Variants in ALG14 observed in about 807,000 individuals in gnomAD.
ALG14 encodes the protein UDP-N-acetylglucosamine transferase subunit ALG14.
ALG14 carries 17 observed loss-of-function variants against 22.8 expected under a neutral mutation model. That is an observed-to-expected ratio of 0.75 (90% confidence interval 0.51 to 1.12). The LOEUF (loss-of-function observed/expected upper bound fraction) is 1.12, where lower values mean the gene tolerates loss of function less well. ALG14 is among the 50% of genes most tolerant of loss of function. The pLI, the probability that ALG14 is intolerant of heterozygous loss-of-function variation, is 0.00. For missense variants in ALG14, 288 were observed against 271.8 expected, an observed-to-expected ratio of 1.06 and a Z score of -0.42; for synonymous variants, 89 against 103.7, an observed-to-expected ratio of 0.86 and a Z score of 0.86.
intron 2 of ALG14, chr1:95,061,680 T>C (rs1381752142): frequency 2.6e-5 from 4 of 152,274 alleles, no homozygotes; most frequent in Non-Finnish European, 5.9e-5. Flanking sequence ...ATTATCTTCA[T>C]TCTTCTATCT....
chr1:95,023,928 G>A (rs898964543), intron 3 of ALG14, among the ~76,000 whole-genome samples: 3 of 152,148 alleles, frequency 2.0e-5, no homozygotes, highest in Admixed American at 1.3e-4. Flanking sequence ...ATATGTGGAA[G>A]CTTTTCTAGA....
chr1:94,994,961 C>T (rs1046961461), intron 3 of ALG14, among the ~76,000 whole-genome samples: 1 of 152,108 alleles, frequency 6.6e-6, no homozygotes, highest in Non-Finnish European at 1.5e-5. Flanking sequence ...AGGGAGTATT[C>T]GTCCTAAACA....
At chr1:95,053,546 G>T (rs967863871) in intron 2 of ALG14, among the ~76,000 whole-genome samples, 3 of 151,990 alleles carry the variant, frequency 2.0e-5, no homozygotes, top group East Asian at 1.9e-4. Flanking sequence ...TCTGTTTTTT[G>T]GGATTTTTGT....
Position 94,976,442 on chromosome 1 carries a change from C to A in ALG14, c.*6634G>T, listed in dbSNP as rs1672398862. ...GCATGGTGGCTGACGCCTGTAATTC[C>A]AGCACTTTGGGAAGCCGAGGTGGGC... On this transcript the variant is annotated 3_prime_UTR_variant, in exon 4 of 4. Transcript: ENST00000370205. 1 of 152,158 alleles carries A rather than the reference C, an allele frequency of 6.6e-6. No individual in the cohort carries two copies. The highest frequency in any genetic ancestry group is 2.4e-5 in the African/African-American group (1 of 41,436). 9.4% of individuals were successfully genotyped at this position (152,158 alleles called of 1,614,324 possible).
At chr1:95,057,169 C>G in intron 2 of ALG14, among the ~76,000 whole-genome samples, 1 of 149,934 alleles carries the variant, frequency 6.7e-6, no homozygotes. Context: ...TATATACATA[C>G]ACATACACAC....
At chr1:94,992,766 G>A (rs1672806538) in intron 3 of ALG14, among the ~76,000 whole-genome samples, 2 of 152,038 alleles carry the variant, frequency 1.3e-5, no homozygotes, top group African/African-American at 4.8e-5. Flanking sequence ...GCGGTGAAGT[G>A]GAGAATGTTA....
intron 2 of ALG14, among the ~76,000 whole-genome samples, chr1:95,033,436 CACACACACAT>C (rs1674082139): frequency 6.0e-5 from 9 of 150,708 alleles, no homozygotes; most frequent in Admixed American, 4.7e-4. Context: ...CACACACACA[CACACACACAT>C]ACATATATAT....
At chr1:95,005,971 T>A (rs1163455041) in intron 3 of ALG14, among the ~76,000 whole-genome samples, 1 of 152,204 alleles carries the variant, frequency 6.6e-6, no homozygotes, top group Non-Finnish European at 1.5e-5. Context: ...GGCAAAATTT[T>A]TTTTGCAGGT....
chr1:95,016,104 G>T (rs974642276), intron 3 of ALG14, among the ~76,000 whole-genome samples: 1 of 152,264 alleles, frequency 6.6e-6, no homozygotes, highest in African/African-American at 2.4e-5. Flanking sequence ...TTGTCCAAAT[G>T]GTAGAGTGGC....
chr1:95,024,868 A>G (rs547541343), intron 3 of ALG14, among the ~76,000 whole-genome samples: 1 of 152,268 alleles, frequency 6.6e-6, no homozygotes, highest in South Asian at 2.1e-4. Flanking sequence ...TGAACCTCTC[A>G]AAGTCATGCA....
intron 3 of ALG14, among the ~76,000 whole-genome samples, chr1:94,986,755 G>A (rs1672654567): frequency 1.3e-5 from 2 of 149,674 alleles, no homozygotes; most frequent in African/African-American, 2.5e-5. Flanking sequence ...GCAGGCATCA[G>A]TCACTGCGCC....
intron 1 of ALG14, among the ~76,000 whole-genome samples, chr1:95,070,537 C>A (rs1675525871): frequency 6.6e-6 from 1 of 152,116 alleles, no homozygotes; most frequent in African/African-American, 2.4e-5. Flanking sequence ...TACAAACTAC[C>A]TTCATTCTTC....
At chr1:95,029,930 A>G (rs925570304) in intron 2 of ALG14, among the ~76,000 whole-genome samples, 3 of 152,194 alleles carry the variant, frequency 2.0e-5, no homozygotes, top group African/African-American at 7.2e-5. Context: ...AAGCTAAGGT[A>G]CTAAATATTG....
chr1:94,986,771 CTT>C (rs35357830), intron 3 of ALG14, among the ~76,000 whole-genome samples: 120 of 139,604 alleles, frequency 8.6e-4, no homozygotes, highest in Non-Finnish European at 8.9e-4. Flanking sequence ...GCGCCTGGCC[CTT>C]TTTTTTTTTT....
intron 2 of ALG14, among the ~76,000 whole-genome samples, chr1:95,037,124 A>G (rs1035297239): frequency 1.3e-5 from 2 of 151,872 alleles, no homozygotes; most frequent in South Asian, 4.2e-4. Flanking sequence ...AGCCTTTTAT[A>G]AATGCACATT....
chr1:95,065,449 G>A (rs1163811433), intron 1 of ALG14, among the ~76,000 whole-genome samples: 1 of 152,168 alleles, frequency 6.6e-6, no homozygotes, highest in Non-Finnish European at 1.5e-5. Context: ...AGGCTGAGAT[G>A]ACTTGAAAGG....
At chr1:95,048,713 A>T (rs1212908517) in intron 2 of ALG14, among the ~76,000 whole-genome samples, 1 of 151,988 alleles carries the variant, frequency 6.6e-6, no homozygotes, top group East Asian at 1.9e-4. Flanking sequence ...TTTAGAACTA[A>T]TCCCAGTGGA....
intron 3 of ALG14, among the ~76,000 whole-genome samples, chr1:94,996,931 C>T (rs1672924224): frequency 6.6e-6 from 1 of 152,162 alleles, no homozygotes; most frequent in South Asian, 2.1e-4. Flanking sequence ...GATCCACCCG[C>T]CTTGGCATCC....
chr1:95,058,784 T>A (rs1571668628), intron 2 of ALG14, among the ~76,000 whole-genome samples: 2 of 151,586 alleles, frequency 1.3e-5, no homozygotes, highest in Non-Finnish European at 2.9e-5. Flanking sequence ...CAGCGGTGAG[T>A]TAAGAGTATA....
Sources: gnomAD v4.1 joint callset for allele counts (sites outside exome capture counted in the v4.1 genomes callset) on GRCh38, gnomAD v4.1.1 for gene constraint, MANE v1.5 for transcripts, NCBI Gene and HGNC (gene_info 2026-07-23, HGNC 2026-07-21) for gene names.